Variants in TLE4 observed in about 807,000 individuals in gnomAD.
TLE4 encodes TLE family member 4, transcriptional corepressor.
In TLE4, 8 loss-of-function variants were observed where a neutral mutation model predicts 92.8. That is an observed-to-expected ratio of 0.09 (90% CI 0.05 to 0.16). TLE4 has a LOEUF of 0.16. TLE4 is among the 10% of genes least tolerant of loss of function. TLE4 has a pLI of 1.00. For missense variants in TLE4, 675 were observed against 997.6 expected, an observed-to-expected ratio of 0.68 and a Z score of 4.36; for synonymous variants, 371 against 374.1, an observed-to-expected ratio of 0.99 and a Z score of 0.10.
chr9:79,630,473 G>A (rs2133647137), intron 6 of TLE4, among the ~76,000 whole-genome samples: 1 of 152,190 alleles, frequency 6.6e-6, no homozygotes, highest in Non-Finnish European at 1.5e-5. Context: ...GTTTCCCATC[G>A]TTGATATTTT....
At chr9:79,670,987 AAACT>A (rs778802612) in intron 8 of TLE4, among the ~76,000 whole-genome samples, 26 of 152,154 alleles carry the variant, frequency 1.7e-4, no homozygotes, top group Non-Finnish European at 2.9e-4. Flanking sequence ...AACAAACACA[AAACT>A]AACAGCAGAA....
intron 8 of TLE4, chr9:79,663,700 G>A (rs1000430119): frequency 6.6e-6 from 1 of 151,962 alleles, no homozygotes; most frequent in Non-Finnish European, 1.5e-5. Flanking sequence ...TTTGGTCACG[G>A]AACTGGTTGA....
chr9:79,671,589 C>G (rs976991564), intron 8 of TLE4: 3 of 239,138 alleles, frequency 1.3e-5, no homozygotes, highest in Non-Finnish European at 2.7e-5. Context: ...TTTTACTACT[C>G]ATACACCTAA....
intron 8 of TLE4, among the ~76,000 whole-genome samples, chr9:79,656,162 G>T (rs2059749577): frequency 1.3e-5 from 2 of 152,116 alleles, no homozygotes; most frequent in South Asian, 4.1e-4. Context: ...GAGATAGTTT[G>T]CTTATTTTTC....
chr9:79,617,721 A>T (rs761604709), intron 5 of TLE4, among the ~76,000 whole-genome samples: 2 of 152,092 alleles, frequency 1.3e-5, no homozygotes, highest in Non-Finnish European at 2.9e-5. Context: ...TATCGGTATA[A>T]TGGGATACCT....
Position 79,720,086 on chromosome 9 carries a change from A to C in TLE4, c.1631A>C (p.Asp544Ala). The change falls in exon 16 of 20, where the codon GAT becomes GCT. Residue 544 changes from aspartate (D) to alanine (A), a missense_variant. Around this residue, in one of 5 missense-constraint regions of TLE4, gnomAD observed 170 missense variants for 359.6 expected, o/e 0.47. Coordinates refer to ENST00000376552, the MANE Select transcript of TLE4 (RefSeq NM_007005.6). ...NYIRSCRLLP[D>A]GRTLIVGGEA... is the part of the protein sequence containing the mutation. ...ATCCGTTCCTGCAGATTGCTCCCTG[A>C]TGGTCGCACCCTAATTGTTGGAGGG... 1 of 1,613,786 alleles carries C rather than the reference A, an allele frequency of 6.2e-7. No homozygotes were observed. The highest frequency in any genetic ancestry group is 8.5e-7 in the Non-Finnish European group (1 of 1,179,772).
chr9:79,719,268 G>A (rs1035845470), intron 15 of TLE4, among the ~76,000 whole-genome samples: 3 of 152,010 alleles, frequency 2.0e-5, no homozygotes, highest in African/African-American at 7.3e-5. Context: ...AGCCCATACA[G>A]TGACTATGAG....
chr9:79,721,323 C>T (rs965740802), intron 16 of TLE4, among the ~76,000 whole-genome samples: 6 of 152,216 alleles, frequency 3.9e-5, no homozygotes, highest in African/African-American at 1.4e-4. Context: ...AGGACTGGTC[C>T]TGTCGCTCCC....
At chr9:79,699,762 G>C (rs1222925118) in intron 8 of TLE4, among the ~76,000 whole-genome samples, 2 of 152,158 alleles carry the variant, frequency 1.3e-5, no homozygotes, top group African/African-American at 2.4e-5. Context: ...AAGCAAAATT[G>C]GCATGGTGTG....
rs1444848600 is a variant in TLE4, at chr9:79,725,054, G to A, written c.2232G>A (p.Ser744=). The A allele has an allele frequency of 5.6e-6, 9 of 1,613,274 alleles. No individual in the cohort carries two copies. Among genetic ancestry groups the A allele is most frequent in the South Asian group, 1.1e-5 (1 of 91,048 alleles). The change falls in exon 20 of 20, where the codon TCG becomes TCA. Residue 744 remains serine (S), a synonymous_variant. Transcript: ENST00000376552. The stretch of plus-strand genomic sequence containing the variant: ...TTTCCTAGTCCAAAGAATCCTCATC[G>A]GTGCTTAGCTGTGACATCTCCGTGG... ...ASIFQSKESS[S]VLSCDISVDD...
At chr9:79,635,117 C>T (rs529861104) in intron 6 of TLE4, among the ~76,000 whole-genome samples, 153 of 152,284 alleles carry the variant, frequency 1.0e-3, no homozygotes, top group Non-Finnish European at 1.8e-3. Flanking sequence ...CTTTCCTCTA[C>T]ATCTTTGTCT....
chr9:79,703,190 TATAACTTTTTTTCC>T (rs1208387751), intron 8 of TLE4, among the ~76,000 whole-genome samples: 2 of 152,194 alleles, frequency 1.3e-5, no homozygotes, highest in African/African-American at 4.8e-5. Flanking sequence ...TTGTTCTTCC[TATAACTTTTTTTCC>T]ATAGAGATTT....
intron 8 of TLE4, among the ~76,000 whole-genome samples, chr9:79,665,447 C>T (rs4877146): frequency 0.53 from 80,175 of 152,026 alleles, 23,820 homozygotes; most frequent in East Asian, 0.7. Context: ...TGGATCGTTC[C>T]TCTTCATTTC....
chr9:79,593,221 C>T (rs937654296), intron 4 of TLE4, among the ~76,000 whole-genome samples: 4 of 152,014 alleles, frequency 2.6e-5, no homozygotes, highest in African/African-American at 7.2e-5. Flanking sequence ...AAACGAAAAC[C>T]GAAATGTGGT....
At chr9:79,615,112 C>T (rs187916436) in intron 5 of TLE4, among the ~76,000 whole-genome samples, 2 of 152,230 alleles carry the variant, frequency 1.3e-5, no homozygotes, top group Admixed American at 1.3e-4. Context: ...CATCGTCCAC[C>T]TTGTTTCTTC....
intron 8 of TLE4, among the ~76,000 whole-genome samples, chr9:79,701,270 A>G (rs2135790631): frequency 6.6e-6 from 1 of 152,340 alleles, no homozygotes; most frequent in East Asian, 1.9e-4. Context: ...TAACTACTTT[A>G]TCATTCTACC....
intron 4 of TLE4, among the ~76,000 whole-genome samples, chr9:79,588,599 CT>C (rs2041802134): frequency 6.6e-6 from 1 of 152,098 alleles, no homozygotes; most frequent in Non-Finnish European, 1.5e-5. Context: ...ATTGGTTCAT[CT>C]TTTATCACAG....
chr9:79,584,230 G>A (rs1056555074), intron 4 of TLE4, among the ~76,000 whole-genome samples: 1 of 152,238 alleles, frequency 6.6e-6, no homozygotes, highest in African/African-American at 2.4e-5. Flanking sequence ...GAGGAGCATG[G>A]TGATGCTACT....
At chr9:79,707,952 A>C (rs1329489337) in intron 11 of TLE4, among the ~76,000 whole-genome samples, 166 bp from the exon 12 acceptor site, 1 of 152,016 alleles carries the variant, frequency 6.6e-6, no homozygotes, top group Non-Finnish European at 1.5e-5. Context: ...GTCTCAAGGA[A>C]CTCTTTTGTT....
Sources: gnomAD v4.1 joint callset for allele counts (sites outside exome capture counted in the v4.1 genomes callset) on GRCh38, gnomAD v4.1.1 for gene constraint, gnomAD v4.1.1 regional missense constraint, MANE v1.5 for transcripts, NCBI Gene and HGNC (gene_info 2026-07-23, HGNC 2026-07-21) for gene names.